The following SAE1 variants were observed in gnomAD, a reference collection of about 807,000 sequenced individuals.
SAE1 encodes SUMO1 activating enzyme subunit 1.
In SAE1, 11 loss-of-function variants were observed where a neutral mutation model predicts 40.6. The ratio of observed to expected loss-of-function variants is 0.27; its 90% CI spans 0.17 to 0.45. SAE1 has a LOEUF of 0.45. Ranked by LOEUF, SAE1 falls within the 20% of genes least tolerant of loss-of-function variation. The pLI is 1.00. For missense variants in SAE1, 373 were observed against 427.3 expected, an observed-to-expected ratio of 0.87 and a Z score of 1.12; for synonymous variants, 155 against 154.3, an observed-to-expected ratio of 1.00 and a Z score of -0.03.
chr19:47,169,946 AC>A (rs1361314113), intron 6 of SAE1, 23 bp downstream of exon 6: 2 of 1,555,316 alleles, frequency 1.3e-6, no homozygotes, highest in African/African-American at 1.4e-5. Context: ...AGCACAACTT[AC>A]CCCGGGAGAG....
intron 5 of SAE1, among the ~76,000 whole-genome samples, chr19:47,159,201 A>G (rs2058342185): frequency 6.6e-6 from 1 of 152,212 alleles, no homozygotes; most frequent in Admixed American, 6.5e-5. Context: ...TACTCTTTTC[A>G]TGAATTAGTT....
At chr19:47,181,580 G>A (rs1415117498) in intron 6 of SAE1, among the ~76,000 whole-genome samples, 2 of 140,208 alleles carry the variant, frequency 1.4e-5, no homozygotes, top group African/African-American at 5.3e-5. Flanking sequence ...ATAGGTTTAC[G>A]CCATTCTCCT....
chr19:47,199,245 G>A (rs1049195595), intron 7 of SAE1, among the ~76,000 whole-genome samples: 9 of 151,674 alleles, frequency 5.9e-5, no homozygotes, highest in Non-Finnish European at 1.0e-4. Flanking sequence ...AATTAGCCAG[G>A]TGTGGTGGTG....
chr19:47,185,976 A>G (rs2058541927), intron 6 of SAE1, among the ~76,000 whole-genome samples: 1 of 149,856 alleles, frequency 6.7e-6, no homozygotes, highest in Non-Finnish European at 1.5e-5. Context: ...GTGGTGGCTC[A>G]TGCCTGTAAT....
At chr19:47,197,448 A>G in intron 7 of SAE1, 71 bp downstream of exon 7, 1 of 1,412,910 alleles carries the variant, frequency 7.1e-7, no homozygotes, top group South Asian at 1.4e-5. Flanking sequence ...CCTTAATTTG[A>G]CAAGCTCTTT....
intron 7 of SAE1, 128 bp from the exon 8 acceptor site, chr19:47,203,543 C>T (rs2058667180): frequency 2.7e-6 from 2 of 735,956 alleles, no homozygotes; most frequent in Non-Finnish European, 4.8e-6. Context: ...ATTAACACTG[C>T]TATCTGAATC....
In SAE1 at chr19:47,143,617, T is replaced by C; in HGVS notation, c.210+12T>C. Reference sequence around the variant, plus strand: ...TGGATCACGAACAGGTGCGCTGTTGTGAGCTCATTCCTCCCCTGCTCTGGC... The same window carrying C: ...TGGATCACGAACAGGTGCGCTGTTGCGAGCTCATTCCTCCCCTGCTCTGGC... On this transcript the variant is annotated intron_variant, in intron 2 of 8. Coordinates refer to ENST00000270225, the MANE Select transcript of SAE1 (RefSeq NM_005500.3). 6.3e-7 allele frequency: 1 copy of C among 1,589,486 alleles called. No individual in the cohort carries two copies. The highest frequency in any genetic ancestry group is 8.6e-7 in the Non-Finnish European group (1 of 1,157,560).
At chr19:47,180,672 A>T (rs2058500220) in intron 6 of SAE1, among the ~76,000 whole-genome samples, 1 of 152,116 alleles carries the variant, frequency 6.6e-6, no homozygotes, top group Non-Finnish European at 1.5e-5. Flanking sequence ...AAAATAAAAA[A>T]GTTAGCCAGA....
intron 8 of SAE1, 125 bp downstream of exon 8, chr19:47,203,865 C>T: frequency 1.2e-6 from 1 of 842,708 alleles, no homozygotes; most frequent in Non-Finnish European, 1.9e-6. Flanking sequence ...TGTTTCATGC[C>T]CTCCCCATTT....
At chr19:47,174,005 C>T (rs1000110305) in intron 6 of SAE1, among the ~76,000 whole-genome samples, 4 of 152,100 alleles carry the variant, frequency 2.6e-5, no homozygotes, top group South Asian at 4.2e-4. Context: ...AGGATGGTCT[C>T]GAACTCCTGA....
At position 47,180,983 on chromosome 19, in the gene SAE1, G is replaced by GT. The variant is rs201311883; in HGVS notation, c.733+11068dup. ...GGGTTGGATCTGAGAATAGAGGAAG[G>GT]TTTTTTTTCTTTTGCTCTAAAGGAT... On this transcript the variant is annotated intron_variant, in intron 6 of 8. Transcript: ENST00000270225. Among the ~76,000 whole-genome samples, 248 of 152,024 alleles carry GT rather than the reference G, an allele frequency of 1.6e-3. 1 individual carries two copies. Among genetic ancestry groups the GT allele is most frequent in the African/African-American group, 5.7e-3 (237 of 41,480 alleles).
chr19:47,192,425 T>G (rs568709290), intron 6 of SAE1, among the ~76,000 whole-genome samples: 42 of 152,192 alleles, frequency 2.8e-4, no homozygotes, highest in Admixed American at 5.2e-4. Context: ...ATTTTTGTAT[T>G]TTTAATAGAG....
At chr19:47,156,915 G>T (rs1221615579) in intron 5 of SAE1, among the ~76,000 whole-genome samples, 3 of 152,188 alleles carry the variant, frequency 2.0e-5, no homozygotes, top group Non-Finnish European at 4.4e-5. Context: ...GCAAGATGAA[G>T]GGGCCAGAAT....
intron 1 of SAE1, among the ~76,000 whole-genome samples, chr19:47,139,657 C>T (rs1368212090): frequency 4.1e-5 from 6 of 146,948 alleles, no homozygotes; most frequent in East Asian, 2.0e-4. Context: ...GGCGCGATCT[C>T]GGCTCACTGC....
chr19:47,160,617 G>A (rs1276785785), intron 5 of SAE1, among the ~76,000 whole-genome samples: 8 of 151,676 alleles, frequency 5.3e-5, no homozygotes, highest in East Asian at 1.9e-4. Flanking sequence ...GGATGGTCTC[G>A]ATCTCCTGAC....
At chr19:47,184,903 C>G (rs1242994760) in intron 6 of SAE1, among the ~76,000 whole-genome samples, 1 of 151,882 alleles carries the variant, frequency 6.6e-6, no homozygotes, top group African/African-American at 2.4e-5. Flanking sequence ...TCACTGAAAC[C>G]TCTACCTCCC....
intron 8 of SAE1, among the ~76,000 whole-genome samples, chr19:47,208,479 C>T (rs1158463862): frequency 6.6e-6 from 1 of 151,518 alleles, no homozygotes. Flanking sequence ...CTCACTGTGT[C>T]GCCCAGGCTG....
At chr19:47,204,261 G>T (rs1044743058) in intron 8 of SAE1, among the ~76,000 whole-genome samples, 13 of 125,810 alleles carry the variant, frequency 1.0e-4, no homozygotes, top group African/African-American at 3.7e-4. Context: ...GCAGTAGCAC[G>T]ATCTCAGATC....
At chr19:47,160,116 T>C (rs1456806646) in intron 5 of SAE1, among the ~76,000 whole-genome samples, 3 of 151,510 alleles carry the variant, frequency 2.0e-5, no homozygotes, top group African/African-American at 7.3e-5. Flanking sequence ...GAGAACAGAA[T>C]ACCAAAGAAG....
Sources: gnomAD v4.1 joint callset for allele counts (sites outside exome capture counted in the v4.1 genomes callset) on GRCh38, gnomAD v4.1.1 for gene constraint, MANE v1.5 for transcripts, NCBI Gene and HGNC (gene_info 2026-07-23, HGNC 2026-07-21) for gene names.